Variants in EYS observed in about 807,000 individuals in gnomAD.
EYS encodes the protein EGF-like photoreceptor maintenance factor.
In EYS, 250 loss-of-function variants were observed where a neutral mutation model predicts 282.1. The ratio of observed to expected loss-of-function variants is 0.89; its 90% CI spans 0.80 to 0.98. The LOEUF (loss-of-function observed/expected upper bound fraction) is 0.98, where lower values mean the gene tolerates loss of function less well. Among genes scored for constraint, EYS ranks in the 50% least tolerant of loss-of-function variants. The probability of loss-of-function intolerance (pLI) is 0.00; values close to 1 mark genes in which losing one functional copy is unlikely to be tolerated. For missense variants in EYS, 4,016 were observed against 3,709.0 expected (o/e 1.08, Z -2.15); for synonymous variants, 1,355 against 1,282.9 (o/e 1.06, Z -1.20).
At chr6:64,471,084 G>C (rs1776109160) in intron 26 of EYS, among the ~76,000 whole-genome samples, 1 of 152,072 alleles carries the variant, frequency 6.6e-6, no homozygotes, top group South Asian at 2.1e-4. Flanking sequence ...TAAACAGAAA[G>C]AGAAAAAGGC....
At chr6:64,729,622 T>A (rs1771887218) in intron 22 of EYS, among the ~76,000 whole-genome samples, 1 of 152,174 alleles carries the variant, frequency 6.6e-6, no homozygotes, top group African/African-American at 2.4e-5. Context: ...GAGTAAGAAA[T>A]GGATGCTTAT....
At chr6:63,866,201 G>A (rs147035417) in intron 35 of EYS, among the ~76,000 whole-genome samples, 201 of 149,534 alleles carry the variant, frequency 1.3e-3, no homozygotes, top group Non-Finnish European at 2.6e-3. Flanking sequence ...AGCACAGCCG[G>A]ACCACCTAGC....
chr6:64,765,745 A>C (rs1397459243), intron 22 of EYS, among the ~76,000 whole-genome samples: 2 of 152,054 alleles, frequency 1.3e-5, no homozygotes, highest in Non-Finnish European at 2.9e-5. Flanking sequence ...ACTTTAAACT[A>C]TCAGATCTCA....
At chr6:65,606,990 T>C (rs1765823684) in intron 2 of EYS, among the ~76,000 whole-genome samples, 1 of 151,682 alleles carries the variant, frequency 6.6e-6, no homozygotes, top group Admixed American at 6.6e-5. Context: ...AAAAATCTAA[T>C]CTAAGAATGG....
Position 64,077,834 on chromosome 6 carries a change from G to A in EYS, c.6571+4022C>T, listed in dbSNP as rs75096554. On this transcript the variant is annotated intron_variant, in intron 32 of 42. Transcript: ENST00000503581. Reference sequence around the variant, plus strand: ...TTTGTGTGGTCTCATCCCTTCTCTCGTGACCTATTAGTAGCTCCTTTGACT... The same window carrying A: ...TTTGTGTGGTCTCATCCCTTCTCTCATGACCTATTAGTAGCTCCTTTGACT... Among the ~76,000 whole-genome samples, 1,008 of 152,014 alleles carry A rather than the reference G, an allele frequency of 6.6e-3. 9 individuals carry two copies. The highest frequency in any genetic ancestry group is 0.031 in the East Asian group (162 of 5,174).
intron 35 of EYS, among the ~76,000 whole-genome samples, chr6:63,910,175 G>T (rs1334663142): frequency 6.6e-6 from 1 of 152,080 alleles, no homozygotes; most frequent in African/African-American, 2.4e-5. Flanking sequence ...AGCAATAGCA[G>T]GAATATTTTG....
At position 64,852,250 on chromosome 6, in the gene EYS, T is replaced by A. The variant is rs558101027; in HGVS notation, c.2993-29428A>T. On this transcript the variant is annotated intron_variant, in intron 19 of 42. Transcript: ENST00000503581. Reference sequence around the variant, plus strand: ...CAAAGGAGATTAACATTTGGGTCAGTGTTCTGGGAAAAGCAGACCCACCCT... The same window carrying A: ...CAAAGGAGATTAACATTTGGGTCAGAGTTCTGGGAAAAGCAGACCCACCCT... Among the ~76,000 whole-genome samples, 6 of 152,240 alleles carry A rather than the reference T, an allele frequency of 3.9e-5. No individual in the cohort carries two copies. The South Asian group carries it at 1.2e-3, about 32-fold the overall frequency.
intron 18 of EYS, among the ~76,000 whole-genome samples, chr6:64,890,203 T>A (rs1162119546): frequency 6.6e-6 from 1 of 152,120 alleles, no homozygotes; most frequent in Non-Finnish European, 1.5e-5. Flanking sequence ...TGTCTCCTGA[T>A]AAGATGTTAT....
chr6:64,277,418 T>C (rs1768150464), intron 30 of EYS, among the ~76,000 whole-genome samples: 1 of 152,150 alleles, frequency 6.6e-6, no homozygotes, highest in Non-Finnish European at 1.5e-5. Flanking sequence ...CCCATGCTAA[T>C]GTTACCTAAA....
intron 31 of EYS, among the ~76,000 whole-genome samples, chr6:64,130,541 G>A (rs1219541702): frequency 6.6e-6 from 1 of 151,984 alleles, no homozygotes; most frequent in Non-Finnish European, 1.5e-5. Flanking sequence ...ACGAGTTAAT[G>A]GGTGCTGCAC....
intron 30 of EYS, among the ~76,000 whole-genome samples, chr6:64,281,914 A>AAT (rs1768323431): frequency 6.6e-6 from 1 of 152,110 alleles, no homozygotes; most frequent in African/African-American, 2.4e-5. Flanking sequence ...ACTGGCCTTG[A>AAT]ATATGGAGTA....
chr6:64,048,550 CA>C (rs1207340056), intron 33 of EYS, among the ~76,000 whole-genome samples: 1 of 152,132 alleles, frequency 6.6e-6, no homozygotes, highest in East Asian at 1.9e-4. Flanking sequence ...CCAGTACAAA[CA>C]TGGCATCTAA....
At chr6:65,654,258 A>G (rs1266874293) in intron 1 of EYS, among the ~76,000 whole-genome samples, 2 of 151,934 alleles carry the variant, frequency 1.3e-5, no homozygotes, top group East Asian at 3.9e-4. Flanking sequence ...TTCATAGTAT[A>G]TGTGTCACTT....
chr6:64,572,327 TG>T (rs1384198102), intron 26 of EYS, among the ~76,000 whole-genome samples: 5 of 152,178 alleles, frequency 3.3e-5, no homozygotes, highest in Non-Finnish European at 7.3e-5. Context: ...TCATAGTGAA[TG>T]GGCAAAAGCT....
intron 22 of EYS, among the ~76,000 whole-genome samples, chr6:64,639,442 T>G (rs116732518): frequency 0.12 from 10,912 of 91,314 alleles, 4,234 homozygotes; most frequent in Non-Finnish European, 0.18. Flanking sequence ...TCCCATTTCT[T>G]AATATACAAA....
chr6:65,182,855 C>A (rs72881754), intron 12 of EYS, among the ~76,000 whole-genome samples: 23,427 of 151,896 alleles, frequency 0.15, 1,994 homozygotes, highest in Non-Finnish European at 0.18. Context: ...GAGGCACAAT[C>A]TTGACTCACC....
chr6:64,081,058 A>G (rs1473167542), intron 32 of EYS, among the ~76,000 whole-genome samples: 1 of 152,034 alleles, frequency 6.6e-6, no homozygotes, highest in Admixed American at 6.6e-5. Context: ...TTGGTTCCAT[A>G]TGAACTTTAA....
chr6:64,914,811 T>A (rs576165123), intron 15 of EYS, among the ~76,000 whole-genome samples: 6 of 152,278 alleles, frequency 3.9e-5, no homozygotes, highest in African/African-American at 1.4e-4. Flanking sequence ...TGTCTAAATT[T>A]TTTTTTAATT....
chr6:64,827,960 C>T (rs1200627312), intron 19 of EYS, among the ~76,000 whole-genome samples: 1 of 151,516 alleles, frequency 6.6e-6, no homozygotes, highest in East Asian at 1.9e-4. Flanking sequence ...TTGAAATTAT[C>T]AGAGAAGGAA....
Sources: gnomAD v4.1 joint callset for allele counts (sites outside exome capture counted in the v4.1 genomes callset) on GRCh38, gnomAD v4.1.1 for gene constraint, MANE v1.5 for transcripts, NCBI Gene and HGNC (gene_info 2026-07-23, HGNC 2026-07-21) for gene names.